Variants in SRGAP3 observed in about 807,000 individuals in gnomAD.
SRGAP3 encodes the protein SLIT-ROBO Rho GTPase-activating protein 3.
SRGAP3 carries 39 observed loss-of-function variants against 121.1 expected under a neutral mutation model. The ratio of observed to expected loss-of-function variants is 0.32; its 90% CI spans 0.25 to 0.42. The LOEUF (loss-of-function observed/expected upper bound fraction) is 0.42. SRGAP3 is among the 10% of genes least tolerant of loss of function. SRGAP3 has a pLI of 1.00. For missense variants in SRGAP3, 1,213 were observed against 1,470.6 expected (o/e 0.82, Z 2.86); for synonymous variants, 601 against 570.0 (o/e 1.05, Z -0.77).
chr3:9,249,224 C>T lies in SRGAP3; in HGVS notation c.-273G>A, dbSNP rs966186600. ...ACCCTAGGAGCACAGTAACCTGCCC[C>T]AGATTTTCAAAGATTTTTCTTCCAA... On this transcript the variant is annotated 5_prime_UTR_variant, in exon 1 of 22. An upstream open reading frame in the 5' UTR gains an earlier in-frame stop. Coordinates refer to ENST00000383836, the MANE Select transcript of SRGAP3 (RefSeq NM_014850.4). 4 of 537,340 alleles carry T rather than the reference C, an allele frequency of 7.4e-6. No homozygotes were observed. Among genetic ancestry groups the T allele is most frequent in the Admixed American group, 6.3e-5 (2 of 31,654 alleles). The allele number at this position is 537,340 out of a possible 1,614,324, so 33.3% of individuals were successfully genotyped here.
intron 1 of SRGAP3, among the ~76,000 whole-genome samples, chr3:9,140,009 C>T (rs889683370): frequency 6.6e-6 from 1 of 152,108 alleles, no homozygotes; most frequent in Non-Finnish European, 1.5e-5. Flanking sequence ...ACATATGCAA[C>T]AGCATACTTT....
chr3:9,035,216 G>A (rs894429273), intron 11 of SRGAP3: 1 of 152,494 alleles, frequency 6.6e-6, no homozygotes, highest in African/African-American at 2.4e-5. Flanking sequence ...GACTCTAAAA[G>A]CAGGTGTTGG....
intron 18 of SRGAP3, among the ~76,000 whole-genome samples, chr3:9,002,923 A>G (rs1301175394): frequency 6.6e-6 from 1 of 152,216 alleles, no homozygotes; most frequent in African/African-American, 2.4e-5. Context: ...TTATAACAAG[A>G]GATTGAATCA....
chr3:9,041,441 G>T (rs1236413958), intron 10 of SRGAP3, among the ~76,000 whole-genome samples: 1 of 152,240 alleles, frequency 6.6e-6, no homozygotes, highest in Non-Finnish European at 1.5e-5. Flanking sequence ...TCAAAATGAA[G>T]AGATTAAATA....
chr3:9,243,308 TGGA>T (rs774170110), intron 1 of SRGAP3, among the ~76,000 whole-genome samples: 14 of 151,666 alleles, frequency 9.2e-5, no homozygotes, highest in Non-Finnish European at 1.9e-4. Flanking sequence ...GGGAAAGACC[TGGA>T]GGAGGGGAAG....
At chr3:9,247,588 C>T (rs938218863) in intron 1 of SRGAP3, among the ~76,000 whole-genome samples, 4 of 152,166 alleles carry the variant, frequency 2.6e-5, no homozygotes, top group Admixed American at 1.3e-4. Flanking sequence ...AGGAGGCCAC[C>T]CAGCTCCCTG....
chr3:9,310,400 C>T (rs1955222187), intron 3 of SRGAP3, among the ~76,000 whole-genome samples: 1 of 152,198 alleles, frequency 6.6e-6, no homozygotes, highest in Non-Finnish European at 1.5e-5. Flanking sequence ...TAACCCACCT[C>T]TAGCTGCAGA....
chr3:9,286,113 A>AC (rs1954763215), intron 3 of SRGAP3, among the ~76,000 whole-genome samples: 3 of 134,988 alleles, frequency 2.2e-5, no homozygotes, highest in African/African-American at 5.5e-5. Context: ...CCCTATCTCA[A>AC]ACACACACAC....
chr3:9,187,266 G>A (rs528250373), intron 1 of SRGAP3, among the ~76,000 whole-genome samples: 14 of 152,218 alleles, frequency 9.2e-5, no homozygotes, highest in South Asian at 4.1e-4. Flanking sequence ...TTTTAATGGC[G>A]ATCTTTCTAA....
rs758104569 is a variant in SRGAP3 at position 8,985,675 on chromosome 3, A to T, written c.3144T>A (p.Ala1048=). The change falls in exon 22 of 22, where the codon GCT becomes GCA. Residue 1048 remains alanine, a synonymous_variant. Coordinates refer to ENST00000383836, the MANE Select transcript of SRGAP3 (RefSeq NM_014850.4). The surrounding 1 kb of genome is among the most constrained non-coding windows in gnomAD (Gnocchi z 5.1). ...TFKPALSARL[A]GAQLRPPPMR... is the part of the protein sequence containing the mutation. ...TGGGGGGCGGGCGGAGCTGGGCGCC[A>T]GCCAGGCGGGCGGACAGGGCTGGCT... is the stretch of plus-strand genomic sequence containing the variant. 1 of 1,596,212 alleles carries T rather than the reference A, an allele frequency of 6.3e-7. No individual in the cohort carries two copies. The highest frequency in any genetic ancestry group is 8.5e-7 in the Non-Finnish European group (1 of 1,178,698).
chr3:9,155,674 T>C (rs1950393005), intron 1 of SRGAP3, among the ~76,000 whole-genome samples: 1 of 152,244 alleles, frequency 6.6e-6, no homozygotes. Context: ...CAAGTCAATG[T>C]CATCTATTGA....
intron 2 of SRGAP3, among the ~76,000 whole-genome samples, chr3:9,121,653 C>A (rs1377608283): frequency 2.6e-5 from 4 of 152,210 alleles, no homozygotes; most frequent in African/African-American, 7.2e-5. Flanking sequence ...AGTTAATGAA[C>A]CCATGAGGGG....
intron 1 of SRGAP3, among the ~76,000 whole-genome samples, chr3:9,181,460 A>T (rs1475867985): frequency 6.6e-6 from 1 of 152,206 alleles, no homozygotes; most frequent in Non-Finnish European, 1.5e-5. Flanking sequence ...TTAGAGTCTT[A>T]TCAGGCTGAG....
chr3:9,125,154 C>A (rs991624222), intron 1 of SRGAP3, among the ~76,000 whole-genome samples: 16 of 152,304 alleles, frequency 1.1e-4, no homozygotes, highest in Middle Eastern at 6.8e-3. Context: ...TGAATCACTG[C>A]ATGTCACCAC....
At chr3:9,006,589 C>A (rs1943093793) in intron 18 of SRGAP3, among the ~76,000 whole-genome samples, 2 of 152,056 alleles carry the variant, frequency 1.3e-5, no homozygotes, top group Admixed American at 1.3e-4. Context: ...TGTACAATAC[C>A]ATTTATATGA....
Position 9,027,081 on chromosome 3 carries a change from G to A in SRGAP3, c.1540-86C>T, listed in dbSNP as rs982746647. The A allele has an allele frequency of 7.5e-6, 9 of 1,197,812 alleles. No individual in the cohort carries two copies. In the East Asian group the frequency reaches 2.1e-4, roughly 28 times the overall value. 74.2% of individuals were successfully genotyped at this position (1,197,812 alleles called of 1,614,324 possible). On this transcript the variant is annotated intron_variant, in intron 12 of 21. Coordinates refer to ENST00000383836, the MANE Select transcript of SRGAP3 (RefSeq NM_014850.4). ...TTGCAAACACCGATTACAGACTCAA[G>A]CCAGAATATTAGTACCATCAGATTA...
intron 1 of SRGAP3, among the ~76,000 whole-genome samples, chr3:9,137,716 G>A (rs1477721996): frequency 6.6e-6 from 1 of 152,160 alleles, no homozygotes; most frequent in African/African-American, 2.4e-5. Context: ...CAGTGCCCCT[G>A]AATAGGAAGC....
chr3:9,336,576 C>G (rs572690108), intron 1 of SRGAP3, among the ~76,000 whole-genome samples: 3 of 151,934 alleles, frequency 2.0e-5, no homozygotes, highest in Admixed American at 2.0e-4. Flanking sequence ...AAAGAGAGCA[C>G]GATGGGTAGA....
chr3:9,219,389 G>C (rs1390804664), intron 1 of SRGAP3: 3 of 152,092 alleles, frequency 2.0e-5, no homozygotes, highest in Non-Finnish European at 4.4e-5. Context: ...TGATTCTTGA[G>C]GTTCAGTGTA....
Sources: gnomAD v4.1 joint callset for allele counts (sites outside exome capture counted in the v4.1 genomes callset) on GRCh38, gnomAD v4.1.1 for gene constraint, Gnocchi (gnomAD v3.1) non-coding constraint, MANE v1.5 for transcripts, NCBI Gene and HGNC (gene_info 2026-07-23, HGNC 2026-07-21) for gene names.